Variants in ECRG4 observed in about 807,000 individuals in gnomAD.
The protein encoded by ECRG4 is augurin.
A neutral mutation model predicts 15.8 loss-of-function variants in ECRG4; 18 were observed. The observed-to-expected ratio is 1.14, with a 90% CI of 0.79 to 1.69. The LOEUF is 1.69. Among genes scored for constraint, ECRG4 ranks in the 40% most tolerant of loss-of-function variants. The probability of loss-of-function intolerance (pLI) is 0.00; values close to 1 mark genes in which losing one functional copy is unlikely to be tolerated. For missense variants in ECRG4, 200 were observed against 190.9 expected (o/e 1.05, Z -0.28); for synonymous variants, 82 against 73.9 (o/e 1.11, Z -0.56).
chr2:106,074,191 C>A, intron 3 of ECRG4, 148 bp downstream of exon 3: 1 of 876,740 alleles, frequency 1.1e-6, no homozygotes, highest in Non-Finnish European at 1.7e-6. Flanking sequence ...TGCTATCAGG[C>A]ACTGGATCAT....
Position 106,065,736 on chromosome 2 carries a change from C to A in ECRG4, c.-29C>A, listed in dbSNP as rs1021905509. 1.4e-5 allele frequency: 20 copies of A among 1,466,204 alleles called. No individual in the cohort carries two copies. Among genetic ancestry groups the A allele is most frequent in the Non-Finnish European group, 1.8e-5 (20 of 1,113,408 alleles). 90.8% of individuals were successfully genotyped at this position (1,466,204 alleles called of 1,614,324 possible). Reference sequence around the variant, plus strand: ...CCCTCGCAGCACCTCGAAGTGCGCCCCTCGCCCTCCTGCTCGCGCCCCGCC... The same window carrying A: ...CCCTCGCAGCACCTCGAAGTGCGCCACTCGCCCTCCTGCTCGCGCCCCGCC... On this transcript the variant is annotated 5_prime_UTR_variant, in exon 1 of 4. Coordinates refer to ENST00000238044, the MANE Select transcript of ECRG4 (RefSeq NM_032411.3).
chr2:106,073,464 AC>A (rs1676413790), intron 2 of ECRG4, among the ~76,000 whole-genome samples: 1 of 151,962 alleles, frequency 6.6e-6, no homozygotes, highest in South Asian at 2.1e-4. Flanking sequence ...GCCAAGCACA[AC>A]CCTCTTGTGT....
chr2:106,070,227 T>C (rs1676332863), intron 1 of ECRG4, among the ~76,000 whole-genome samples: 1 of 152,306 alleles, frequency 6.6e-6, no homozygotes, highest in South Asian at 2.1e-4. Flanking sequence ...ACCAGGGCTG[T>C]TCCTGGACAA....
At chr2:106,067,059 C>CGGGGCGGGGG (rs1207345148) in intron 1 of ECRG4, among the ~76,000 whole-genome samples, 25 of 4,254 alleles carry the variant, frequency 5.9e-3, no homozygotes, top group South Asian at 0.016. Context: ...TTTGGGAGGC[C>CGGGGCGGGGG]GGGGGGGGGG....
Position 106,065,851 on chromosome 2 carries a change from GGGCGATGCCA to G in ECRG4, c.79+12_79+21del. The G allele has an allele frequency of 6.8e-7, 1 of 1,477,430 alleles. No homozygotes were observed. The allele number at this position is 1,477,430 out of a possible 1,614,324, so 91.5% of individuals were successfully genotyped here. Reference sequence around the variant, plus strand: ...TCCTGTGCTGGGGCCCAGGTGAGCGGGGCGATGCCAGGCTGATTGATAGCGGCACCAGGGG... The same window carrying G: ...TCCTGTGCTGGGGCCCAGGTGAGCGGGGCTGATTGATAGCGGCACCAGGGG... On this transcript the variant is annotated intron_variant, in intron 1 of 3. Coordinates refer to ENST00000238044, the MANE Select transcript of ECRG4 (RefSeq NM_032411.3).
upstream of ECRG4, among the ~76,000 whole-genome samples, chr2:106,063,768 G>A (rs757462478): frequency 1.3e-5 from 2 of 152,148 alleles, no homozygotes; most frequent in African/African-American, 2.4e-5. Context: ...TTTTTGTAGA[G>A]AGGGAGTTTC....
chr2:106,066,877 C>G (rs770137764), intron 1 of ECRG4, among the ~76,000 whole-genome samples: 1 of 152,018 alleles, frequency 6.6e-6, no homozygotes, highest in Non-Finnish European at 1.5e-5. Context: ...CAGCAGGAGG[C>G]GTGGTGAGGT....
At chr2:106,072,517 C>T (rs1676392695) in intron 2 of ECRG4, 1 of 152,168 alleles carries the variant, frequency 6.6e-6, no homozygotes, top group African/African-American at 2.4e-5. Context: ...TTAAGAATCC[C>T]TTAGAAATGA....
At chr2:106,072,216 A>G in intron 2 of ECRG4, 1 of 217,616 alleles carries the variant, frequency 4.6e-6, no homozygotes, top group Admixed American at 5.6e-5. Flanking sequence ...TTTGGAACAC[A>G]TAATCCTCAG....
upstream of ECRG4, chr2:106,065,682 G>A: frequency 6.3e-6 from 7 of 1,106,460 alleles, no homozygotes; most frequent in African/African-American, 1.7e-5. Context: ...GCGCCTGCCC[G>A]CTCGCACCCC....
chr2:106,065,666 G>A (rs533617550), upstream of ECRG4: 58 of 921,750 alleles, frequency 6.3e-5, no homozygotes, highest in South Asian at 1.3e-3. Context: ...GGGATAACCC[G>A]CGGCCGCGCC....
intron 2 of ECRG4, 156 bp from the exon 3 acceptor site, chr2:106,073,730 G>C: frequency 1.2e-6 from 1 of 829,200 alleles, no homozygotes. Flanking sequence ...AATCTACGAG[G>C]CTGTGTCACA....
At chr2:106,075,032 C>G (rs1003249399) in intron 3 of ECRG4, among the ~76,000 whole-genome samples, 1 of 148,498 alleles carries the variant, frequency 6.7e-6, no homozygotes, top group Non-Finnish European at 1.5e-5. Flanking sequence ...TTTTCTTTTT[C>G]TGTGCAAATA....
intron 1 of ECRG4, among the ~76,000 whole-genome samples, chr2:106,068,188 T>G (rs531249366): frequency 6.6e-6 from 1 of 152,240 alleles, no homozygotes; most frequent in African/African-American, 2.4e-5. Context: ...TGACCCCTTC[T>G]TGATCAATTT....
Position 106,065,723 on chromosome 2 carries a change from C to T in ECRG4, c.-42C>T, listed in dbSNP as rs1423608754. ...CGCGCCCGGTTCTCCCTCGCAGCAC[C>T]TCGAAGTGCGCCCCTCGCCCTCCTG... is the stretch of plus-strand genomic sequence containing the variant. On this transcript the variant is annotated 5_prime_UTR_variant, in exon 1 of 4. Transcript: ENST00000238044. 6.9e-7 allele frequency: 1 copy of T among 1,439,580 alleles called. No homozygotes were observed. The highest frequency in any genetic ancestry group is 2.5e-5 in the Admixed American group (1 of 40,758). The allele number at this position is 1,439,580 out of a possible 1,614,324, so 89.2% of individuals were successfully genotyped here.
At chr2:106,075,015 CT>C (rs375901148) in intron 3 of ECRG4, among the ~76,000 whole-genome samples, 43 of 149,718 alleles carry the variant, frequency 2.9e-4, no homozygotes, top group South Asian at 6.4e-4. Flanking sequence ...TGTCTTTTTG[CT>C]TTTTTTTTTC....
intron 1 of ECRG4, among the ~76,000 whole-genome samples, chr2:106,070,550 C>T (rs1440302888): frequency 2.0e-5 from 3 of 152,228 alleles, no homozygotes; most frequent in Non-Finnish European, 2.9e-5. Flanking sequence ...CAGCTTGTGA[C>T]TCTTGTTTAT....
In ECRG4 at chr2:106,069,165, TTTC is replaced by T. The variant is rs1280932027; in HGVS notation, c.80-2676_80-2674del. ...TTTCTTTCTTTTCTTTCTTTCTTTC[TTTC>T]TTTTTTCTTTCTTTCTTTCTCTTTC... On this transcript the variant is annotated intron_variant, in intron 1 of 3. Transcript: ENST00000238044. 5.2e-5 allele frequency among the ~76,000 whole-genome samples: 7 copies of T among 135,854 alleles called. No homozygotes were observed. The East Asian group carries it at 7.5e-4, about 15-fold the overall frequency. The allele number at this position is 135,854 out of a possible 152,430, so 89.1% of individuals were successfully genotyped here.
chr2:106,067,059 C>CGGGGGGGGGG (rs1171603168), intron 1 of ECRG4, among the ~76,000 whole-genome samples: 1 of 4,268 alleles, frequency 2.3e-4, no homozygotes, highest in Non-Finnish European at 4.6e-4. Context: ...TTTGGGAGGC[C>CGGGGGGGGGG]GGGGGGGGGG....
Sources: allele counts gnomAD v4.1 joint callset (sites outside exome capture counted in the v4.1 genomes callset), GRCh38; gene constraint gnomAD v4.1.1; transcripts MANE v1.5; gene names NCBI Gene and HGNC (gene_info 2026-07-23, HGNC 2026-07-21).